FRYL: variants seen among roughly 807,000 people sequenced by gnomAD.
The protein encoded by FRYL is protein furry homolog-like.
FRYL carries 150 observed loss-of-function variants against 351.2 expected under a neutral mutation model. The observed-to-expected ratio is 0.43, with a 90% CI of 0.37 to 0.49. The LOEUF is 0.49. FRYL is among the 20% of genes least tolerant of loss of function. FRYL has a pLI of 0.00. For missense variants in FRYL, 3,036 were observed against 3,619.3 expected (o/e 0.84, Z 4.13); for synonymous variants, 1,153 against 1,257.1 (o/e 0.92, Z 1.75).
rs1183858358 is a variant in FRYL, at chr4:48,498,047, A to T, written c.*1375T>A. ...TAAAAAATACAAGGTGTTTCTTTCAAATCAGGAGTTGTGGGACTACATTCT... is the reference window on the plus strand; with the variant it reads ...TAAAAAATACAAGGTGTTTCTTTCATATCAGGAGTTGTGGGACTACATTCT... On this transcript the variant is annotated 3_prime_UTR_variant, in exon 64 of 64. Coordinates refer to ENST00000358350, the MANE Select transcript of FRYL (RefSeq NM_015030.2). The T allele has an allele frequency of 6.6e-6, 1 of 152,382 alleles. No homozygotes were observed. Among genetic ancestry groups the T allele is most frequent in the Non-Finnish European group, 1.5e-5 (1 of 68,014 alleles). The allele number at this position is 152,382 out of a possible 1,614,324, so 9.4% of individuals were successfully genotyped here. A position where few individuals can be genotyped will look rare whatever the true frequency, so the allele number is the denominator to read the frequency against.
chr4:48,774,871 G>A (rs973582639), intron 1 of FRYL, among the ~76,000 whole-genome samples: 2 of 152,010 alleles, frequency 1.3e-5, no homozygotes, highest in East Asian at 1.9e-4. Flanking sequence ...AATATTTTTC[G>A]TAACAAAAAG....
In FRYL at chr4:48,535,614, CATAT is replaced by C. The variant is rs56352864; in HGVS notation, c.6564+39_6564+42del. 10 of 981,712 alleles carry C rather than the reference CATAT, an allele frequency of 1.0e-5. No individual in the cohort carries two copies. In the Admixed American group the frequency reaches 1.1e-4, roughly 10 times the overall value. The allele number at this position is 981,712 out of a possible 1,614,324, so 60.8% of individuals were successfully genotyped here. A position where few individuals can be genotyped will look rare whatever the true frequency, so the allele number is the denominator to read the frequency against. ...ACACACACACACACACACACACACA[CATAT>C]ATATATAGTAAATAAGAAAATATTT... On this transcript the variant is annotated intron_variant, in intron 48 of 63. Coordinates refer to ENST00000358350, the MANE Select transcript of FRYL (RefSeq NM_015030.2).
intron 1 of FRYL, among the ~76,000 whole-genome samples, chr4:48,736,494 T>C (rs1165336446): frequency 1.3e-5 from 2 of 151,708 alleles, no homozygotes; most frequent in African/African-American, 2.4e-5. Context: ...ACAACTAATA[T>C]TAGAAAATGA....
rs138852677 is a variant in FRYL, at chr4:48,648,039, T to C, written c.-80-13549A>G. Among the ~76,000 whole-genome samples, 41 of 152,294 alleles carry C rather than the reference T, an allele frequency of 2.7e-4. No individual in the cohort carries two copies. In the East Asian group the frequency reaches 7.7e-3, roughly 29 times the overall value. ...ACCTATTTTTCCTACCTCTTAAATA[T>C]TTCCCATCACTATGAATGTTTTGTA... On this transcript the variant is annotated intron_variant, in intron 3 of 63. Transcript: ENST00000358350.
chr4:48,758,343 C>T lies in FRYL; in HGVS notation c.-384+21735G>A, dbSNP rs1459024194. ...TGCAATCTATCCATGTGACAAAGGGCTAATATCCAGAATCTACAAAGAACT... is the reference window on the plus strand; with the variant it reads ...TGCAATCTATCCATGTGACAAAGGGTTAATATCCAGAATCTACAAAGAACT... On this transcript the variant is annotated intron_variant, in intron 1 of 63. Transcript: ENST00000358350. Among the ~76,000 whole-genome samples the T allele has an allele frequency of 2.6e-5, 4 of 152,224 alleles. No individual in the cohort carries two copies. The East Asian group carries it at 7.7e-4, about 29-fold the overall frequency.
chr4:48,740,727 C>T (rs1208477015), intron 1 of FRYL, among the ~76,000 whole-genome samples: 1 of 152,102 alleles, frequency 6.6e-6, no homozygotes. Flanking sequence ...ATACCACTAC[C>T]CACTTAGCAG....
rs187676800 is a variant in FRYL, at chr4:48,602,143, C to G, written c.934-22G>C. ...AAGCCTATAGGAGACGGGGAAAAGA[C>G]AGAATTAACATTTTTCATCGAAAAG... is the stretch of plus-strand genomic sequence containing the variant. On this transcript the variant is annotated intron_variant, in intron 12 of 63. Coordinates refer to ENST00000358350, the MANE Select transcript of FRYL (RefSeq NM_015030.2). 2.5e-6 allele frequency: 3 copies of G among 1,204,664 alleles called. No homozygotes were observed. The Admixed American group carries it at 5.4e-5, about 22-fold the overall frequency. 74.6% of individuals were successfully genotyped at this position (1,204,664 alleles called of 1,614,324 possible). A position where few individuals can be genotyped will look rare whatever the true frequency, so the allele number is the denominator to read the frequency against.
chr4:48,620,633 A>G lies in FRYL; in HGVS notation c.314+6T>C. ...CAGGTGAAACAGTGTAAAATAAAGC[A>G]CTTACCCCTTAGACTTTGTGCTAGA... On this transcript the variant is annotated splice_donor_region_variant and intron_variant, in intron 6 of 63. Coordinates refer to ENST00000358350, the MANE Select transcript of FRYL (RefSeq NM_015030.2). 6.2e-7 allele frequency: 1 copy of G among 1,610,356 alleles called. No individual in the cohort carries two copies. Among genetic ancestry groups the G allele is most frequent in the Non-Finnish European group, 8.5e-7 (1 of 1,177,412 alleles).
intron 2 of FRYL, among the ~76,000 whole-genome samples, chr4:48,702,977 T>C (rs1375741542): frequency 2.0e-5 from 3 of 151,974 alleles, no homozygotes; most frequent in African/African-American, 7.3e-5. Flanking sequence ...GAGGTACAGA[T>C]GTCATGATGG....
rs1373851322 is a variant in FRYL at position 48,515,059 on chromosome 4, C to T, written c.7906G>A (p.Glu2636Lys). Residue 2636 changes from glutamate (E) to lysine (K), a missense_variant, in exon 56 of 64, where the codon GAA becomes AAA. This residue lies in a region of FRYL where 1,987 missense variants were observed against 2,311.7 expected (regional missense o/e 0.86). Transcript: ENST00000358350. Reference protein sequence around the residue: ...ALKELDERCEEEEADFSGLSS... With the variant: ...ALKELDERCEKEEADFSGLSS... The stretch of plus-strand genomic sequence containing the variant: ...AGTCCGGAGAAATCCGCTTCTTCTT[C>T]TTCACATCTTTCATCTAGCTCTTTC... 2 of 1,613,716 alleles carry T rather than the reference C, an allele frequency of 1.2e-6. No homozygotes were observed. The highest frequency in any genetic ancestry group is 3.3e-5 in the Admixed American group (2 of 59,996).
chr4:48,627,068 ATAATATAC>A (rs1373999521), intron 4 of FRYL, among the ~76,000 whole-genome samples: 3 of 152,176 alleles, frequency 2.0e-5, no homozygotes, highest in African/African-American at 7.2e-5. Context: ...ATTCTGTACA[ATAATATAC>A]TAATATATGT....
rs531793435 is a variant in FRYL, at chr4:48,757,426, A to T, written c.-384+22652T>A. Among the ~76,000 whole-genome samples, 12 of 152,332 alleles carry T rather than the reference A, an allele frequency of 7.9e-5. No homozygotes were observed. The South Asian group carries it at 2.5e-3, about 32-fold the overall frequency. ...ATAAAATCAATGGGCAAAAATCACA[A>T]GCATTCCTATACACCAATAACAGAC... On this transcript the variant is annotated intron_variant, in intron 1 of 63. Transcript: ENST00000358350.
intron 2 of FRYL, among the ~76,000 whole-genome samples, chr4:48,693,440 G>GT (rs1765849935): frequency 6.6e-6 from 1 of 152,202 alleles, no homozygotes; most frequent in East Asian, 1.9e-4. Flanking sequence ...TTTCATAAAT[G>GT]TTTGAGCTGA....
intron 3 of FRYL, among the ~76,000 whole-genome samples, chr4:48,651,289 CTGTGTG>C (rs59845967): frequency 0.028 from 1,757 of 62,388 alleles, 140 homozygotes; most frequent in African/African-American, 0.062. Flanking sequence ...CAGGATCTCA[CTGTGTG>C]TGTGTGTGTG....
chr4:48,522,969 C>T lies in FRYL; in HGVS notation c.7453G>A (p.Asp2485Asn). The T allele has an allele frequency of 6.2e-7, 1 of 1,614,026 alleles. No individual in the cohort carries two copies. Among genetic ancestry groups the T allele is most frequent in the Non-Finnish European group, 8.5e-7 (1 of 1,179,930 alleles). The change falls in exon 54 of 64, where the codon GAT (aspartate) becomes AAT (asparagine). Residue 2485 changes from aspartate (D) to asparagine (N), a missense_variant. Physicochemically the swap from Asp to Asn is conservative, Grantham distance 23. Transcript: ENST00000358350. Reference protein sequence around the residue: ...TPSLNLTNQEDTDESSEEEAA... With the variant: ...TPSLNLTNQENTDESSEEEAA... ...TCTTCTTCCGAGGACTCATCTGTAT[C>T]CTCCTGATTGGTGAGGTTCAGGCTG... is the stretch of plus-strand genomic sequence containing the variant.
intron 19 of FRYL, among the ~76,000 whole-genome samples, chr4:48,586,140 A>C (rs1315789933): frequency 6.6e-6 from 1 of 152,208 alleles, no homozygotes; most frequent in East Asian, 1.9e-4. Flanking sequence ...CTCATTTTAC[A>C]GAGCTATGAC....
intron 13 of FRYL, among the ~76,000 whole-genome samples, chr4:48,601,431 T>C (rs1745676839): frequency 1.3e-5 from 2 of 152,048 alleles, no homozygotes. Context: ...GGGAAGAAAA[T>C]GATCCTTCTA....
At chr4:48,718,710 A>G (rs1244598586) in intron 1 of FRYL, among the ~76,000 whole-genome samples, 2 of 151,510 alleles carry the variant, frequency 1.3e-5, no homozygotes, top group Non-Finnish European at 2.9e-5. Flanking sequence ...CAAATTCAAG[A>G]CTGCTAAAGT....
At chr4:48,505,877 T>C (rs1381567738) in intron 59 of FRYL, 1 of 360,028 alleles carries the variant, frequency 2.8e-6, no homozygotes, top group Non-Finnish European at 5.0e-6. Flanking sequence ...TGATGTTCCA[T>C]TTCAGTAAAG....
Sources: gnomAD v4.1 joint callset for allele counts (sites outside exome capture counted in the v4.1 genomes callset) on GRCh38, gnomAD v4.1.1 for gene constraint, gnomAD v4.1.1 regional missense constraint, MANE v1.5 for transcripts, NCBI Gene and HGNC (gene_info 2026-07-23, HGNC 2026-07-21) for gene names.